The following PPP2R2C variants were observed in gnomAD, a reference collection of about 807,000 sequenced individuals.
PPP2R2C encodes the protein protein phosphatase 2 regulatory subunit Bgamma, also known as protein phosphatase 2, regulatory subunit B, gamma.
A neutral mutation model predicts 45.3 loss-of-function variants in PPP2R2C; 10 were observed. The observed-to-expected ratio is 0.22, with a 90% CI of 0.14 to 0.37. The LOEUF is 0.37. Ranked by LOEUF, PPP2R2C falls within the 10% of genes least tolerant of loss-of-function variation. PPP2R2C has a pLI of 1.00. For missense variants in PPP2R2C, 308 were observed against 619.7 expected (o/e 0.50, Z 5.34); for synonymous variants, 257 against 245.4 (o/e 1.05, Z -0.44).
intron 1 of PPP2R2C, among the ~76,000 whole-genome samples, chr4:6,432,670 A>T (rs1469452736): frequency 2.0e-5 from 3 of 152,258 alleles, no homozygotes; most frequent in African/African-American, 7.2e-5. Context: ...ATTTCTGTAC[A>T]TAACATATGA....
At chr4:6,553,414 C>T (rs775785702) in intron 1 of PPP2R2C, among the ~76,000 whole-genome samples, 24 of 152,226 alleles carry the variant, frequency 1.6e-4, no homozygotes, top group Non-Finnish European at 2.6e-4. Flanking sequence ...CATCCTCGTC[C>T]CCCTATCCGG....
rs1711775800 is a variant in PPP2R2C at position 6,345,490 on chromosome 4, G to C, written c.790+2356C>G. On this transcript the variant is annotated intron_variant, in intron 6 of 8. Transcript: ENST00000382599. The surrounding 1 kb of genome is among the most constrained non-coding windows in gnomAD (Gnocchi z 5.3). Reference sequence around the variant, plus strand: ...AGGAAGTCATCCTGGATCATTAGGGGTGGCAGGAACAAGGCGATCACAAGG... The same window carrying C: ...AGGAAGTCATCCTGGATCATTAGGGCTGGCAGGAACAAGGCGATCACAAGG... Among the ~76,000 whole-genome samples the C allele has an allele frequency of 6.6e-6, 1 of 152,216 alleles. No individual in the cohort carries two copies.
At chr4:6,347,697 T>C in intron 6 of PPP2R2C, 149 bp downstream of exon 6, 1 of 1,061,598 alleles carries the variant, frequency 9.4e-7, no homozygotes, top group East Asian at 2.6e-5. Context: ...CAGCCAGCGC[T>C]GAAGCAGCAA....
chr4:6,363,879 C>G (rs892483672), intron 5 of PPP2R2C, among the ~76,000 whole-genome samples: 1 of 152,210 alleles, frequency 6.6e-6, no homozygotes, highest in Non-Finnish European at 1.5e-5. Flanking sequence ...CAGGGGACCA[C>G]GTGGCAGGTC....
chr4:6,357,524 G>T (rs1056210817), intron 5 of PPP2R2C, among the ~76,000 whole-genome samples: 1 of 152,232 alleles, frequency 6.6e-6, no homozygotes, highest in African/African-American at 2.4e-5. Flanking sequence ...TGCACAGAAA[G>T]CCCCACGCAC....
intron 1 of PPP2R2C, chr4:6,535,496 C>CA: frequency 1.5e-6 from 1 of 678,244 alleles, no homozygotes; most frequent in Non-Finnish European, 2.4e-6. Flanking sequence ...CGCCGCCCGG[C>CA]ACAGCTCCAG....
chr4:6,472,211 T>C lies in PPP2R2C; in HGVS notation c.19A>G (p.Thr7Ala), dbSNP rs1194206870. Residue 7 changes from threonine (T) to alanine (A), a missense_variant, in exon 1 of 9, where the codon ACG (threonine) becomes GCG (alanine). Physicochemically the swap from Thr to Ala is moderately conservative, Grantham distance 58 (BLOSUM62 0). Transcript: ENST00000382599. ...AGGAAGCTGTGGTTAATTTTCCGCGTGTCCGTGTCCTCGCCCATTGAAGGC... is the reference window on the plus strand; with the variant it reads ...AGGAAGCTGTGGTTAATTTTCCGCGCGTCCGTGTCCTCGCCCATTGAAGGC... MGEDTD[T>A]RKINHSFLRD... 3.7e-6 allele frequency: 6 copies of C among 1,613,178 alleles called. No individual in the cohort carries two copies. In the South Asian group the frequency reaches 6.6e-5, roughly 18 times the overall value.
rs1030427819 is a variant in PPP2R2C, at chr4:6,349,446, T to C, written c.626-1436A>G. On this transcript the variant is annotated intron_variant, in intron 5 of 8. Transcript: ENST00000382599. ...AGCCCTTCACACACTGCCTGATGCGTTGCAGAGCTCAATGAATGTCAGTTT... is the reference window on the plus strand; with the variant it reads ...AGCCCTTCACACACTGCCTGATGCGCTGCAGAGCTCAATGAATGTCAGTTT... 9 of 983,128 alleles carry C rather than the reference T, an allele frequency of 9.2e-6. No individual in the cohort carries two copies. In the African/African-American group the frequency reaches 1.2e-4, roughly 13 times the overall value. 60.9% of individuals were successfully genotyped at this position (983,128 alleles called of 1,614,324 possible).
intron 6 of PPP2R2C, among the ~76,000 whole-genome samples, chr4:6,336,667 G>C (rs771951443): frequency 4.5e-3 from 9 of 1,994 alleles, no homozygotes; most frequent in Admixed American, 9.4e-3. Context: ...CTCCCTCCCT[G>C]CTTCCATCCC....
intron 1 of PPP2R2C, among the ~76,000 whole-genome samples, chr4:6,460,130 G>A (rs115644506): frequency 1.3e-5 from 2 of 152,234 alleles, no homozygotes; most frequent in African/African-American, 4.8e-5. Context: ...AATGATGACG[G>A]GTGCTTTGGG....
intron 1 of PPP2R2C, among the ~76,000 whole-genome samples, chr4:6,460,292 T>TC (rs779977647): frequency 3.9e-4 from 60 of 152,248 alleles, no homozygotes; most frequent in Non-Finnish European, 8.1e-4. Flanking sequence ...ATGCCTGGTG[T>TC]CCCTCTAAGG....
chr4:6,558,484 T>A (rs1398688995), intron 1 of PPP2R2C, among the ~76,000 whole-genome samples: 1 of 152,120 alleles, frequency 6.6e-6, no homozygotes, highest in Non-Finnish European at 1.5e-5. Flanking sequence ...TCTGGCTGCC[T>A]CCTAACAAGG....
At chr4:6,562,424 C>T (rs1484516215) in intron 1 of PPP2R2C, among the ~76,000 whole-genome samples, 2 of 149,202 alleles carry the variant, frequency 1.3e-5, no homozygotes, top group East Asian at 4.0e-4. Context: ...ACCTCAGTTT[C>T]CTTATCCTAT....
chr4:6,483,877 T>G (rs944329307), intron 2 of PPP2R2C, among the ~76,000 whole-genome samples: 1 of 152,108 alleles, frequency 6.6e-6, no homozygotes, highest in Non-Finnish European at 1.5e-5. Context: ...AGGTTTTTAC[T>G]CTGTTTTCTT....
chr4:6,549,808 G>C (rs189314451), intron 1 of PPP2R2C, among the ~76,000 whole-genome samples: 1 of 152,314 alleles, frequency 6.6e-6, no homozygotes, highest in Admixed American at 6.5e-5. Flanking sequence ...TTATTCAGTG[G>C]TGGCCACTAT....
intron 5 of PPP2R2C, among the ~76,000 whole-genome samples, chr4:6,358,519 CA>C (rs74576376): frequency 0.24 from 32,156 of 132,594 alleles, 4,267 homozygotes; most frequent in Non-Finnish European, 0.32. Flanking sequence ...TTCTGCACAG[CA>C]AAAAAAAAAA....
chr4:6,363,577 T>C (rs1368835546), intron 5 of PPP2R2C, among the ~76,000 whole-genome samples: 1 of 148,598 alleles, frequency 6.7e-6, no homozygotes, highest in Non-Finnish European at 1.5e-5. Context: ...AGTCTCCATC[T>C]CAAAAAAAAA....
intron 5 of PPP2R2C, among the ~76,000 whole-genome samples, chr4:6,371,948 ACCAGC>A (rs1217267315): frequency 6.6e-6 from 1 of 152,060 alleles, no homozygotes; most frequent in Non-Finnish European, 1.5e-5. Context: ...TCATGTCATC[ACCAGC>A]TCTCTTCCCA....
intron 6 of PPP2R2C, among the ~76,000 whole-genome samples, chr4:6,341,664 T>C (rs567677051): frequency 1.1e-4 from 17 of 152,222 alleles, no homozygotes; most frequent in African/African-American, 3.9e-4. Context: ...TGACCCTGGA[T>C]AATCTGGATG....
Sources: allele counts gnomAD v4.1 joint callset (sites outside exome capture counted in the v4.1 genomes callset), GRCh38; gene constraint gnomAD v4.1.1; non-coding constraint Gnocchi (gnomAD v3.1); transcripts MANE v1.5; gene names NCBI Gene and HGNC (gene_info 2026-07-23, HGNC 2026-07-21).